PTPRQ: variants seen among roughly 807,000 people sequenced by gnomAD.
The protein encoded by PTPRQ is protein tyrosine phosphatase receptor type Q.
Under a neutral mutation model 246.0 loss-of-function variants are expected in PTPRQ, and 199 were observed. That is an observed-to-expected ratio of 0.81 (90% CI 0.72 to 0.91). The LOEUF is 0.91. PTPRQ is among the 40% of genes least tolerant of loss of function. The pLI is 0.00. For missense variants in PTPRQ, 2,624 were observed against 2,528.4 expected (o/e 1.04, Z -0.81); for synonymous variants, 869 against 853.2 (o/e 1.02, Z -0.32).
chr12:80,502,995 G>A (rs1894848116), intron 14 of PTPRQ, among the ~76,000 whole-genome samples: 1 of 151,724 alleles, frequency 6.6e-6, no homozygotes. Flanking sequence ...AAGTGACAGA[G>A]GTATTACCAG....
In PTPRQ at chr12:80,496,056, A is replaced by T; in HGVS notation, c.1940A>T (p.Glu647Val). Residue 647 changes from glutamate (E) to valine (V), a missense_variant, in exon 13 of 45, where the codon GAA becomes GTA. Transcript: ENST00000644991. ...MRVAASTHVG[E>V]SSLSEENDIF... is the part of the protein sequence containing the mutation. ...GTGGCAGCCTCAACCCACGTTGGAGAAAGTTCTTTGTCTGAAGAAAATGAC... is the reference window on the plus strand; with the variant it reads ...GTGGCAGCCTCAACCCACGTTGGAGTAAGTTCTTTGTCTGAAGAAAATGAC... 1.3e-6 allele frequency: 2 copies of T among 1,550,168 alleles called. No homozygotes were observed. The highest frequency in any genetic ancestry group is 1.7e-6 in the Non-Finnish European group (2 of 1,146,292).
chr12:80,532,202 C>CTTTAT (rs1555194097), intron 17 of PTPRQ, among the ~76,000 whole-genome samples: 8 of 151,802 alleles, frequency 5.3e-5, no homozygotes, highest in African/African-American at 1.9e-4. Flanking sequence ...AATAGCATAG[C>CTTTAT]TTTATTTTAT....
At chr12:80,461,781 T>A (rs1893178529) in intron 6 of PTPRQ, among the ~76,000 whole-genome samples, 1 of 151,594 alleles carries the variant, frequency 6.6e-6, no homozygotes. Flanking sequence ...TTCATATAAG[T>A]TTGAAGTTTT....
intron 17 of PTPRQ, among the ~76,000 whole-genome samples, chr12:80,520,081 A>G (rs1172967191): frequency 1.3e-5 from 2 of 152,054 alleles, no homozygotes; most frequent in African/African-American, 2.4e-5. Flanking sequence ...GCCATATGTC[A>G]TGTTTATAAT....
At position 80,467,263 on chromosome 12, in the gene PTPRQ, C is replaced by T. The variant is rs868406110; in HGVS notation, c.911-1447C>T. Among the ~76,000 whole-genome samples, 437 of 151,400 alleles carry T rather than the reference C, an allele frequency of 2.9e-3. 3 individuals carry two copies. Among genetic ancestry groups the T allele is most frequent in the African/African-American group, 8.3e-3 (339 of 40,858 alleles). ...CAAAAAACACATGAAAAGATGCTCA[C>T]CATCACTGGCCATCAGATAAATGCA... On this transcript the variant is annotated intron_variant, in intron 6 of 44. Transcript: ENST00000644991.
At position 80,673,048 on chromosome 12, in the gene PTPRQ, T is replaced by C; in HGVS notation, c.6603-121T>C. The C allele has an allele frequency of 3.6e-6, 5 of 1,374,724 alleles. No homozygotes were observed. In the South Asian group the frequency reaches 5.1e-5, roughly 14 times the overall value. 85.2% of individuals were successfully genotyped at this position (1,374,724 alleles called of 1,614,324 possible). On this transcript the variant is annotated intron_variant, in intron 42 of 44. Transcript: ENST00000644991. The stretch of plus-strand genomic sequence containing the variant: ...ATCCAAAGACACTCCAAAGAAAATC[T>C]GCCTCCAAATAAGAGAAGAAACTAT...
intron 33 of PTPRQ, among the ~76,000 whole-genome samples, chr12:80,624,086 G>A (rs1418147389): frequency 3.3e-5 from 5 of 152,140 alleles, no homozygotes; most frequent in Non-Finnish European, 7.3e-5. Flanking sequence ...TTCTTTGGAA[G>A]TATAACCACT....
chr12:80,654,906 A>G (rs1022005810), intron 38 of PTPRQ, among the ~76,000 whole-genome samples: 1 of 151,864 alleles, frequency 6.6e-6, no homozygotes, highest in African/African-American at 2.4e-5. Context: ...GTATATATAA[A>G]GTAAGTAATT....
At chr12:80,515,923 G>T (rs570558093) in intron 17 of PTPRQ, among the ~76,000 whole-genome samples, 3 of 152,206 alleles carry the variant, frequency 2.0e-5, no homozygotes, top group South Asian at 4.1e-4. Flanking sequence ...GGTATGTTCA[G>T]AAATCTGTTT....
At chr12:80,631,990 A>G (rs1351257030) in intron 33 of PTPRQ, among the ~76,000 whole-genome samples, 1 of 152,218 alleles carries the variant, frequency 6.6e-6, no homozygotes, top group East Asian at 1.9e-4. Context: ...GAGTGAGTTT[A>G]GATAGAAAAA....
intron 25 of PTPRQ, among the ~76,000 whole-genome samples, chr12:80,561,898 T>C (rs1391466464): frequency 1.3e-5 from 2 of 152,178 alleles, no homozygotes; most frequent in African/African-American, 4.8e-5. Context: ...TTACCATTGT[T>C]TGTGATGTTA....
rs567515969 is a variant in PTPRQ, at chr12:80,503,135, T to G, written c.2273-2889T>G. Reference sequence around the variant, plus strand: ...CCCAACTCCTACACCCTATCGTTAGTGAGACTATGGTAGAAAAACAAACAT... The same window carrying G: ...CCCAACTCCTACACCCTATCGTTAGGGAGACTATGGTAGAAAAACAAACAT... On this transcript the variant is annotated intron_variant, in intron 14 of 44. Transcript: ENST00000644991. Among the ~76,000 whole-genome samples the G allele has an allele frequency of 7.9e-5, 12 of 151,936 alleles. 1 individual carries two copies. The South Asian group carries it at 2.5e-3, about 31-fold the overall frequency.
At chr12:80,463,665 T>C (rs1893287526) in intron 6 of PTPRQ, among the ~76,000 whole-genome samples, 3 of 151,918 alleles carry the variant, frequency 2.0e-5, no homozygotes, top group Middle Eastern at 6.8e-3. Context: ...TAACAGTGGA[T>C]CTCTCGGCAG....
intron 25 of PTPRQ, among the ~76,000 whole-genome samples, chr12:80,581,415 C>A (rs1443142017): frequency 6.6e-6 from 1 of 152,094 alleles, no homozygotes; most frequent in Non-Finnish European, 1.5e-5. Flanking sequence ...GTGGGCAGAT[C>A]AGTTGAGCCC....
chr12:80,466,339 G>A (rs1204106917), intron 6 of PTPRQ, among the ~76,000 whole-genome samples: 3 of 152,084 alleles, frequency 2.0e-5, no homozygotes, highest in African/African-American at 7.2e-5. Flanking sequence ...ACAAACCAGT[G>A]CTCAATGAAA....
chr12:80,652,152 G>A (rs553045302), intron 37 of PTPRQ, among the ~76,000 whole-genome samples: 9 of 152,032 alleles, frequency 5.9e-5, no homozygotes, highest in Non-Finnish European at 8.8e-5. Flanking sequence ...CAAGAGCAAG[G>A]TAGATAGATA....
chr12:80,511,610 A>ATGGGATGC (rs1341036163), intron 17 of PTPRQ, among the ~76,000 whole-genome samples: 10 of 152,142 alleles, frequency 6.6e-5, no homozygotes, highest in African/African-American at 2.4e-4. Context: ...TCTACTTTTG[A>ATGGGATGC]TGGGATGCTT....
chr12:80,636,055 G>A (rs1199182028), intron 35 of PTPRQ, among the ~76,000 whole-genome samples: 1 of 152,100 alleles, frequency 6.6e-6, no homozygotes, highest in Non-Finnish European at 1.5e-5. Context: ...TGCTATAGAG[G>A]GAAGTGTCAT....
At chr12:80,618,616 T>C (rs1046903944) in intron 30 of PTPRQ, among the ~76,000 whole-genome samples, 1 of 151,444 alleles carries the variant, frequency 6.6e-6, no homozygotes, top group Non-Finnish European at 1.5e-5. Flanking sequence ...TAAATAAAGC[T>C]CATTGTAAAA....
Sources: gnomAD v4.1 joint callset for allele counts (sites outside exome capture counted in the v4.1 genomes callset) on GRCh38, gnomAD v4.1.1 for gene constraint, MANE v1.5 for transcripts, NCBI Gene and HGNC (gene_info 2026-07-23, HGNC 2026-07-21) for gene names.